Variants in GPC5 observed in about 807,000 individuals in gnomAD.
GPC5 encodes glypican 5, also known as glypican-5.
GPC5 carries 47 observed loss-of-function variants against 53.9 expected under a neutral mutation model. The ratio of observed to expected loss-of-function variants is 0.87; its 90% CI spans 0.69 to 1.11. GPC5 has a LOEUF of 1.11. GPC5 is among the 50% of genes most tolerant of loss of function. GPC5 has a pLI of 0.00. For synonymous variants in GPC5, 286 were observed against 263.3 expected, an observed-to-expected ratio of 1.09 and a Z score of -0.84; for missense variants, 748 against 713.1, an observed-to-expected ratio of 1.05 and a Z score of -0.56.
chr13:91,555,324 A>G (rs1594246854), intron 2 of GPC5, among the ~76,000 whole-genome samples: 2 of 152,058 alleles, frequency 1.3e-5, no homozygotes, highest in Admixed American at 1.3e-4. Flanking sequence ...TCAAGAACCA[A>G]TGCCTGTAGT....
At chr13:92,822,355 C>T (rs971267738) in intron 7 of GPC5, among the ~76,000 whole-genome samples, 5 of 151,990 alleles carry the variant, frequency 3.3e-5, no homozygotes, top group African/African-American at 1.2e-4. Context: ...TCATTTACTC[C>T]TCACAATAGC....
intron 7 of GPC5, among the ~76,000 whole-genome samples, chr13:92,412,726 C>G (rs961715398): frequency 2.0e-5 from 3 of 152,116 alleles, no homozygotes; most frequent in African/African-American, 7.2e-5. Context: ...CCATCTAGCC[C>G]TTTACAAAAC....
chr13:91,624,864 T>C (rs1267613682), intron 2 of GPC5, among the ~76,000 whole-genome samples: 1 of 151,834 alleles, frequency 6.6e-6, no homozygotes, highest in Non-Finnish European at 1.5e-5. Flanking sequence ...AGCAGAATAC[T>C]TTATATAACC....
intron 7 of GPC5, among the ~76,000 whole-genome samples, chr13:92,278,123 A>G (rs1025653745): frequency 6.6e-6 from 1 of 151,880 alleles, no homozygotes; most frequent in Admixed American, 6.6e-5. Context: ...AACTATAAAA[A>G]TATATACATA....
intron 7 of GPC5, among the ~76,000 whole-genome samples, chr13:92,587,191 C>A (rs549174519): frequency 9.9e-5 from 15 of 151,938 alleles, no homozygotes; most frequent in Middle Eastern, 3.4e-3. Context: ...TTCTATTTTC[C>A]CTGTTTTCCT....
chr13:92,239,622 A>T (rs192649120), intron 7 of GPC5, among the ~76,000 whole-genome samples: 7 of 152,152 alleles, frequency 4.6e-5, no homozygotes, highest in Non-Finnish European at 8.8e-5. Context: ...GTTTAAAAAG[A>T]CGTATCCAAT....
intron 7 of GPC5, among the ~76,000 whole-genome samples, chr13:92,233,048 C>G (rs2042542917): frequency 6.6e-6 from 1 of 152,172 alleles, no homozygotes; most frequent in Non-Finnish European, 1.5e-5. Context: ...ATCTTTTGGG[C>G]TATCTCCAGA....
chr13:91,600,778 T>G (rs900424133), intron 2 of GPC5, among the ~76,000 whole-genome samples: 3 of 152,126 alleles, frequency 2.0e-5, no homozygotes, highest in African/African-American at 4.8e-5. Context: ...ATTATAGACT[T>G]CTAAAGTTTT....
intron 6 of GPC5, among the ~76,000 whole-genome samples, chr13:91,977,038 C>CAATAAATAAATAAATA (rs138005450): frequency 7.1e-6 from 1 of 141,732 alleles, no homozygotes; most frequent in African/African-American, 2.6e-5. Flanking sequence ...GATTCTGTCT[C>CAATAAATAAATAAATA]AATAAATAAA....
chr13:92,777,212 T>C (rs1875843969), intron 7 of GPC5, among the ~76,000 whole-genome samples: 1 of 151,134 alleles, frequency 6.6e-6, no homozygotes, highest in Non-Finnish European at 1.5e-5. Context: ...GGTGCATGAC[T>C]GTAGTCCCAG....
rs1034486228 is a variant in GPC5, at chr13:92,172,991, T to C, written c.1561+28002T>C. Among the ~76,000 whole-genome samples the C allele has an allele frequency of 1.0e-4, 9 of 89,114 alleles. 1 individual carries two copies. In the Admixed American group the frequency reaches 1.1e-3, roughly 11 times the overall value. The allele number at this position is 89,114 out of a possible 152,430, so 58.5% of individuals were successfully genotyped here. ...AACAATATAAGAAACGTTGCAACAG[T>C]CAAACGAGCAACTCTTAAGTCTTAT... On this transcript the variant is annotated intron_variant, in intron 7 of 7. Transcript: ENST00000377067.
intron 2 of GPC5, among the ~76,000 whole-genome samples, chr13:91,620,038 G>C (rs1156985411): frequency 3.9e-5 from 6 of 152,054 alleles, no homozygotes; most frequent in Admixed American, 3.9e-4. Flanking sequence ...GAAAGGTCTA[G>C]CTGAGAAAAC....
chr13:92,394,768 T>C (rs1875182574), intron 7 of GPC5, among the ~76,000 whole-genome samples: 1 of 152,214 alleles, frequency 6.6e-6, no homozygotes, highest in African/African-American at 2.4e-5. Flanking sequence ...TATAGTTCTT[T>C]AAGAGAACAA....
chr13:91,704,466 G>C (rs2036056461), intron 3 of GPC5, among the ~76,000 whole-genome samples: 1 of 152,188 alleles, frequency 6.6e-6, no homozygotes, highest in Non-Finnish European at 1.5e-5. Context: ...TGCCTCTGCT[G>C]GTCATGGGGC....
chr13:92,557,736 T>C (rs1159745331), intron 7 of GPC5, among the ~76,000 whole-genome samples: 1 of 151,922 alleles, frequency 6.6e-6, no homozygotes, highest in Non-Finnish European at 1.5e-5. Flanking sequence ...CTACTTCCAC[T>C]AATGATTGTA....
intron 7 of GPC5, among the ~76,000 whole-genome samples, chr13:92,797,730 C>A (rs1876735613): frequency 6.6e-6 from 1 of 151,226 alleles, no homozygotes; most frequent in Admixed American, 6.6e-5. Context: ...ATAGAGAGGG[C>A]ATTTACTAAG....
intron 7 of GPC5, among the ~76,000 whole-genome samples, chr13:92,313,961 A>G (rs2043162086): frequency 6.6e-6 from 1 of 152,124 alleles, no homozygotes; most frequent in Admixed American, 6.5e-5. Flanking sequence ...TCGCCTGTCT[A>G]GCCTGTCTTG....
At chr13:91,920,924 C>CT (rs1447586700) in intron 6 of GPC5, among the ~76,000 whole-genome samples, 639 of 59,520 alleles carry the variant, frequency 0.011, 35 homozygotes, top group African/African-American at 0.038. Context: ...CTCTCTCTCT[C>CT]TCTTTTTTTT....
intron 6 of GPC5, among the ~76,000 whole-genome samples, chr13:92,100,646 A>C (rs913792229): frequency 2.0e-5 from 3 of 152,130 alleles, no homozygotes; most frequent in Admixed American, 6.5e-5. Context: ...TTTTTGGATC[A>C]CACATTGCTA....
Sources: gnomAD v4.1 joint callset for allele counts (sites outside exome capture counted in the v4.1 genomes callset) on GRCh38, gnomAD v4.1.1 for gene constraint, MANE v1.5 for transcripts, NCBI Gene and HGNC (gene_info 2026-07-23, HGNC 2026-07-21) for gene names.